The following KCNQ5 variants were observed in gnomAD, a reference collection of about 807,000 sequenced individuals.
KCNQ5 encodes the protein potassium voltage-gated channel subfamily Q member 5, also known as potassium voltage-gated channel subfamily KQT member 5.
In KCNQ5, 30 loss-of-function variants were observed where a neutral mutation model predicts 98.2. The observed-to-expected ratio is 0.31, with a 90% confidence interval of 0.23 to 0.41. The LOEUF is 0.41. KCNQ5 is among the 10% of genes least tolerant of loss of function. KCNQ5 has a pLI of 1.00. For missense variants in KCNQ5, 835 were observed against 1,182.5 expected, an observed-to-expected ratio of 0.71 and a Z score of 4.31; for synonymous variants, 458 against 449.4, an observed-to-expected ratio of 1.02 and a Z score of -0.24.
At chr6:72,853,540 C>T (rs547267585) in intron 1 of KCNQ5, among the ~76,000 whole-genome samples, 34 of 152,184 alleles carry the variant, frequency 2.2e-4, no homozygotes, top group South Asian at 4.2e-4. Flanking sequence ...GACAGGATTT[C>T]GCCATGTTGG....
chr6:72,740,683 T>G (rs1333153417), intron 1 of KCNQ5, among the ~76,000 whole-genome samples: 1 of 152,052 alleles, frequency 6.6e-6, no homozygotes, highest in Non-Finnish European at 1.5e-5. Flanking sequence ...TGAAGACTTC[T>G]CCAAGCAGAG....
chr6:72,903,213 T>A (rs933235685), intron 1 of KCNQ5, among the ~76,000 whole-genome samples: 1 of 152,180 alleles, frequency 6.6e-6, no homozygotes, highest in Non-Finnish European at 1.5e-5. Context: ...CTTATTTGGA[T>A]TCTCTCTCTT....
chr6:73,149,832 G>GGAAGGA (rs1554215615), intron 10 of KCNQ5, among the ~76,000 whole-genome samples: 26 of 141,178 alleles, frequency 1.8e-4, no homozygotes, highest in African/African-American at 7.4e-4. Context: ...GAGAGGGAGG[G>GGAAGGA]AGGAAGGAAG....
Position 72,734,868 on chromosome 6 carries a change from A to C in KCNQ5, c.398+112281A>C, listed in dbSNP as rs554629368. On this transcript the variant is annotated intron_variant, in intron 1 of 13. Coordinates refer to ENST00000370398, the MANE Select transcript of KCNQ5 (RefSeq NM_019842.4). ...CAATTTTCTCAGCTATAAAATCAAG[A>C]GACTAGATTGCTTGTTAACTCTACT... 2.0e-5 allele frequency among the ~76,000 whole-genome samples: 3 copies of C among 152,338 alleles called. No individual in the cohort carries two copies. In the East Asian group the frequency reaches 5.8e-4, roughly 29 times the overall value.
At chr6:72,648,844 C>T (rs559248339) in intron 1 of KCNQ5, among the ~76,000 whole-genome samples, 1 of 150,050 alleles carries the variant, frequency 6.7e-6, no homozygotes, top group Admixed American at 6.6e-5. Context: ...AAAGAAAAGC[C>T]TACGTGTGTT....
chr6:72,765,452 C>T (rs1772519875), intron 1 of KCNQ5, among the ~76,000 whole-genome samples: 1 of 152,128 alleles, frequency 6.6e-6, no homozygotes. Context: ...ACTGGGTGGT[C>T]AGGAAAGTCC....
At chr6:73,147,665 A>G (rs991068752) in intron 10 of KCNQ5, among the ~76,000 whole-genome samples, 4 of 152,216 alleles carry the variant, frequency 2.6e-5, no homozygotes, top group African/African-American at 9.6e-5. Flanking sequence ...AGAAGTTTGG[A>G]AAATATTTAT....
At chr6:72,685,664 A>G (rs1156770157) in intron 1 of KCNQ5, among the ~76,000 whole-genome samples, 1 of 152,182 alleles carries the variant, frequency 6.6e-6, no homozygotes, top group Non-Finnish European at 1.5e-5. Context: ...ACTCATTTTC[A>G]TAGTATACAG....
intron 3 of KCNQ5, chr6:73,055,238 G>C: frequency 8.0e-7 from 1 of 1,254,942 alleles, no homozygotes; most frequent in Non-Finnish European, 1.2e-6. Context: ...TGCTGGCTAT[G>C]AGTTTGACAT....
intron 1 of KCNQ5, among the ~76,000 whole-genome samples, chr6:72,735,762 TGTA>T (rs769211033): frequency 3.1e-4 from 47 of 152,040 alleles, no homozygotes; most frequent in Non-Finnish European, 2.2e-4. Context: ...ATTTTATAAA[TGTA>T]GTCATTTTAG....
chr6:72,631,946 T>C (rs999050855), intron 1 of KCNQ5, among the ~76,000 whole-genome samples: 2 of 152,208 alleles, frequency 1.3e-5, no homozygotes, highest in African/African-American at 4.8e-5. Context: ...AGTGTTATCA[T>C]CTTCCTTTCA....
At chr6:72,867,406 G>A (rs573621200) in intron 1 of KCNQ5, among the ~76,000 whole-genome samples, 2 of 152,338 alleles carry the variant, frequency 1.3e-5, no homozygotes, top group Non-Finnish European at 2.9e-5. Flanking sequence ...AACACAGAAT[G>A]TTGTAGAACA....
rs58798764 is a variant in KCNQ5, at chr6:73,146,626, C to CAAAAAAAAAAAAA, written c.1468+13000_1468+13012dup. On this transcript the variant is annotated intron_variant, in intron 10 of 13. Coordinates refer to ENST00000370398, the MANE Select transcript of KCNQ5 (RefSeq NM_019842.4). ...TGGGCAACAGAACAAGTCCCTGTCT[C>CAAAAAAAAAAAAA]AAAAAAAAAAAAAAAAAAAAAAAAA... Among the ~76,000 whole-genome samples the CAAAAAAAAAAAAA allele has an allele frequency of 1.5e-3, 43 of 28,478 alleles. 4 individuals carry two copies. Among genetic ancestry groups the CAAAAAAAAAAAAA allele is most frequent in the African/African-American group, 3.9e-3 (42 of 10,660 alleles). The allele number at this position is 28,478 out of a possible 152,430, so 18.7% of individuals were successfully genotyped here.
intron 3 of KCNQ5, among the ~76,000 whole-genome samples, chr6:73,052,234 A>T (rs1772277400): frequency 6.6e-6 from 1 of 152,224 alleles, no homozygotes; most frequent in Non-Finnish European, 1.5e-5. Context: ...AAAGTATGGG[A>T]TTATGTAAAG....
intron 1 of KCNQ5, among the ~76,000 whole-genome samples, chr6:72,766,710 G>A (rs1439200985): frequency 6.6e-6 from 1 of 151,922 alleles, no homozygotes; most frequent in Non-Finnish European, 1.5e-5. Flanking sequence ...GCAAATGGTG[G>A]CACCATTTGC....
At chr6:73,160,069 A>G (rs962342253) in intron 10 of KCNQ5, among the ~76,000 whole-genome samples, 1 of 152,054 alleles carries the variant, frequency 6.6e-6, no homozygotes, top group Non-Finnish European at 1.5e-5. Flanking sequence ...GCTGGAGTGC[A>G]CTGGCGCGAT....
At chr6:72,702,700 G>C (rs1768877375) in intron 1 of KCNQ5, among the ~76,000 whole-genome samples, 1 of 152,082 alleles carries the variant, frequency 6.6e-6, no homozygotes, top group African/African-American at 2.4e-5. Context: ...ACAGATATGG[G>C]TTCTAATTGC....
chr6:73,012,064 T>C (rs1444147231), intron 2 of KCNQ5, among the ~76,000 whole-genome samples: 3 of 152,056 alleles, frequency 2.0e-5, no homozygotes, highest in African/African-American at 2.4e-5. Context: ...TACAGCTTTT[T>C]TTCCTCAAAA....
At chr6:72,727,070 G>A (rs1022753001) in intron 1 of KCNQ5, among the ~76,000 whole-genome samples, 3 of 152,188 alleles carry the variant, frequency 2.0e-5, no homozygotes, top group Admixed American at 6.5e-5. Context: ...CTTCAGTAAG[G>A]ATTTCAGTCC....
Sources: gnomAD v4.1 joint callset for allele counts (sites outside exome capture counted in the v4.1 genomes callset) on GRCh38, gnomAD v4.1.1 for gene constraint, MANE v1.5 for transcripts, NCBI Gene and HGNC (gene_info 2026-07-23, HGNC 2026-07-21) for gene names.